Variants in TGFBR1 observed in about 807,000 individuals in gnomAD.
The protein encoded by TGFBR1 is transforming growth factor beta receptor 1.
A neutral mutation model predicts 55.1 loss-of-function variants in TGFBR1; 20 were observed. That is an observed-to-expected ratio of 0.36 (90% CI 0.26 to 0.53). The LOEUF is 0.53. Ranked by LOEUF, TGFBR1 falls within the 20% of genes least tolerant of loss-of-function variation. The pLI is 0.91. For synonymous variants in TGFBR1, 220 were observed against 214.8 expected, an observed-to-expected ratio of 1.02 and a Z score of -0.21; for missense variants, 385 against 617.6, an observed-to-expected ratio of 0.62 and a Z score of 3.99.
chr9:99,137,292 A>G (rs1258596997), intron 3 of TGFBR1, among the ~76,000 whole-genome samples: 1 of 152,186 alleles, frequency 6.6e-6, no homozygotes, highest in Non-Finnish European at 1.5e-5. Context: ...TTTTCCTCCC[A>G]TCAGTGAAAC....
At chr9:99,127,258 T>C (rs1284900527) in intron 1 of TGFBR1, among the ~76,000 whole-genome samples, 1 of 152,170 alleles carries the variant, frequency 6.6e-6, no homozygotes, top group African/African-American at 2.4e-5. Context: ...TGTGACAGCA[T>C]GCACGAAGTT....
intron 4 of TGFBR1, among the ~76,000 whole-genome samples, chr9:99,141,036 T>C (rs1827599673): frequency 6.6e-6 from 1 of 152,186 alleles, no homozygotes; most frequent in Admixed American, 6.5e-5. Flanking sequence ...TCTCCTGATT[T>C]AGTTAATTCC....
At chr9:99,132,784 T>C (rs1231276322) in intron 3 of TGFBR1, 45 bp downstream of exon 3, 1 of 1,611,318 alleles carries the variant, frequency 6.2e-7, no homozygotes, top group East Asian at 2.2e-5. Flanking sequence ...CTTTTTAAAA[T>C]TAAGCGATAC....
At chr9:99,129,620 T>C (rs1170968529) in intron 2 of TGFBR1, among the ~76,000 whole-genome samples, 1 of 152,188 alleles carries the variant, frequency 6.6e-6, no homozygotes, top group Non-Finnish European at 1.5e-5. Flanking sequence ...TTCCTGGGGC[T>C]GGGTGCGGTG....
intron 3 of TGFBR1, among the ~76,000 whole-genome samples, chr9:99,134,539 A>C (rs1564156524): frequency 6.6e-6 from 1 of 152,084 alleles, no homozygotes; most frequent in Non-Finnish European, 1.5e-5. Context: ...CATCCTGCTC[A>C]AAACTGTGAT....
intron 1 of TGFBR1, among the ~76,000 whole-genome samples, chr9:99,124,222 C>T (rs1170009027): frequency 6.6e-6 from 1 of 152,128 alleles, no homozygotes. Context: ...GATCATTCTT[C>T]TCAGGACTCA....
Position 99,151,713 on chromosome 9 carries a change from T to C in TGFBR1, c.*2408T>C. 1 of 223,654 alleles carries C rather than the reference T, an allele frequency of 4.5e-6. No individual in the cohort carries two copies. Among genetic ancestry groups the C allele is most frequent in the Non-Finnish European group, 8.9e-6 (1 of 111,780 alleles). The allele number at this position is 223,654 out of a possible 1,614,324, so 13.9% of individuals were successfully genotyped here. ...TTGGAGTTTAGTTCTAAATTGACTT[T>C]ACGTATTACTGCAGTTAATTCCTTT... On this transcript the variant is annotated 3_prime_UTR_variant, in exon 9 of 9. Coordinates refer to ENST00000374994, the MANE Select transcript of TGFBR1 (RefSeq NM_004612.4).
At chr9:99,111,719 T>C (rs191926881) in intron 1 of TGFBR1, among the ~76,000 whole-genome samples, 1 of 152,292 alleles carries the variant, frequency 6.6e-6, no homozygotes, top group Non-Finnish European at 1.5e-5. Flanking sequence ...AGTGTTTAAA[T>C]TGACAAACAG....
In TGFBR1 at chr9:99,153,678, G is replaced by A. The variant is rs1239656876; in HGVS notation, c.*4373G>A. 5.0e-6 allele frequency: 1 copy of A among 198,572 alleles called. No homozygotes were observed. The highest frequency in any genetic ancestry group is 6.0e-5 in the Admixed American group (1 of 16,540). The allele number at this position is 198,572 out of a possible 1,614,324, so 12.3% of individuals were successfully genotyped here. A position where few individuals can be genotyped will look rare whatever the true frequency, so the allele number is the denominator to read the frequency against. Reference sequence around the variant, plus strand: ...CCAGTGGCATATTTTAAAATAAAGTGTATACGTTGGAATGAGTCATGCCAT... The same window carrying A: ...CCAGTGGCATATTTTAAAATAAAGTATATACGTTGGAATGAGTCATGCCAT... On this transcript the variant is annotated 3_prime_UTR_variant, in exon 9 of 9. Coordinates refer to ENST00000374994, the MANE Select transcript of TGFBR1 (RefSeq NM_004612.4).
chr9:99,105,232 TC>T lies in TGFBR1; in HGVS notation c.31del (p.Arg11GlyfsTer39). The T allele has an allele frequency of 9.4e-7, 1 of 1,063,084 alleles. No individual in the cohort carries two copies. Among genetic ancestry groups the T allele is most frequent in the Non-Finnish European group, 1.1e-6 (1 of 885,098 alleles). The allele number at this position is 1,063,084 out of a possible 1,614,324, so 65.9% of individuals were successfully genotyped here. On this transcript the variant is annotated frameshift_variant, in exon 1 of 9. Transcript: ENST00000374994. LOFTEE classifies it high-confidence loss of function. The stretch of plus-strand genomic sequence containing the variant: ...TGGAGGCGGCGGTCGCTGCTCCGCG[TC>T]CCCGGCTGCTCCTCCTCGTGCTGGC... MEAAVAAPR[P>X]RLLLLVLAAA... is the part of the protein sequence containing the mutation.
intron 1 of TGFBR1, among the ~76,000 whole-genome samples, chr9:99,112,833 G>A (rs767444461): frequency 6.6e-6 from 1 of 152,054 alleles, no homozygotes; most frequent in South Asian, 2.1e-4. Flanking sequence ...TCAGTAGTCA[G>A]CAAAGATTAA....
chr9:99,125,205 A>G (rs1379399268), intron 1 of TGFBR1, among the ~76,000 whole-genome samples: 1 of 152,194 alleles, frequency 6.6e-6, no homozygotes, highest in African/African-American at 2.4e-5. Flanking sequence ...GGCATTAATG[A>G]CTTCAAGGCC....
chr9:99,149,520 C>A lies in TGFBR1; in HGVS notation c.*215C>A. 1.8e-6 allele frequency: 1 copy of A among 549,950 alleles called. No individual in the cohort carries two copies. Among genetic ancestry groups the A allele is most frequent in the South Asian group, 2.1e-5 (1 of 46,856 alleles). 34.1% of individuals were successfully genotyped at this position (549,950 alleles called of 1,614,324 possible). A position where few individuals can be genotyped will look rare whatever the true frequency, so the allele number is the denominator to read the frequency against. ...TCTGTGCACTATGAACGCTTCTTTC[C>A]CAGGACAGAAAATGTGTAGTCTACC... On this transcript the variant is annotated 3_prime_UTR_variant, in exon 9 of 9. Transcript: ENST00000374994.
intron 1 of TGFBR1, chr9:99,127,715 T>C: frequency 2.8e-6 from 1 of 352,240 alleles, no homozygotes; most frequent in East Asian, 7.7e-5. Context: ...ACCTTGCTGT[T>C]CACGTCATAG....
At chr9:99,144,693 T>C in intron 5 of TGFBR1, 39 bp from the exon 6 acceptor site, 1 of 1,612,378 alleles carries the variant, frequency 6.2e-7, no homozygotes, top group Non-Finnish European at 8.5e-7. Flanking sequence ...TGATTGGTAT[T>C]ACCTTTTAAG....
upstream of TGFBR1, chr9:99,105,103 A>AC (rs1392021086): frequency 1.1e-6 from 1 of 896,622 alleles, no homozygotes; most frequent in Non-Finnish European, 1.4e-6. Flanking sequence ...GGCCGGAGCG[A>AC]GGCCGCCGCG....
chr9:99,153,468 C>T lies in TGFBR1; in HGVS notation c.*4163C>T, dbSNP rs201105741. 9.7e-6 allele frequency: 2 copies of T among 205,228 alleles called. No homozygotes were observed. The highest frequency in any genetic ancestry group is 2.0e-5 in the Non-Finnish European group (2 of 100,160). The allele number at this position is 205,228 out of a possible 1,614,324, so 12.7% of individuals were successfully genotyped here. On this transcript the variant is annotated 3_prime_UTR_variant, in exon 9 of 9. Coordinates refer to ENST00000374994, the MANE Select transcript of TGFBR1 (RefSeq NM_004612.4). Reference sequence around the variant, plus strand: ...ATTGAAGTCGAATGATACTGAGAAGCCTGTAAAGAGGAGAAAAAAACATAA... The same window carrying T: ...ATTGAAGTCGAATGATACTGAGAAGTCTGTAAAGAGGAGAAAAAAACATAA...
chr9:99,128,997 A>G lies in TGFBR1; in HGVS notation c.240A>G (p.Arg80=). ...TAGCTGAAATTGACTTAATTCCTCG[A>G]GATAGGCCGTTTGTATGTGCACCCT... ...MCIAEIDLIP[R]DRPFVCAPSS... is the part of the protein sequence containing the mutation. The change falls in exon 2 of 9, where the codon CGA becomes CGG. Residue 80 remains arginine (R), a synonymous_variant. Transcript: ENST00000374994. 2.5e-6 allele frequency: 4 copies of G among 1,614,022 alleles called. No homozygotes were observed. Among genetic ancestry groups the G allele is most frequent in the Non-Finnish European group, 2.5e-6 (3 of 1,179,956 alleles).
intron 1 of TGFBR1, among the ~76,000 whole-genome samples, chr9:99,116,197 A>T (rs1326730490): frequency 6.6e-6 from 1 of 150,974 alleles, no homozygotes; most frequent in Non-Finnish European, 1.5e-5. Flanking sequence ...AAAAGGCCAC[A>T]TAAGTATTTT....
Sources: gnomAD v4.1 joint callset for allele counts (sites outside exome capture counted in the v4.1 genomes callset) on GRCh38, gnomAD v4.1.1 for gene constraint, MANE v1.5 for transcripts, NCBI Gene and HGNC (gene_info 2026-07-23, HGNC 2026-07-21) for gene names.